UNC13C: variants seen among roughly 807,000 people sequenced by gnomAD.
The protein encoded by UNC13C is protein unc-13 homolog C.
In UNC13C, 174 loss-of-function variants were observed where a neutral mutation model predicts 245.4. The ratio of observed to expected loss-of-function variants is 0.71; its 90% CI spans 0.63 to 0.80. The LOEUF (loss-of-function observed/expected upper bound fraction) is 0.80, where lower values mean the gene tolerates loss of function less well. UNC13C is among the 30% of genes least tolerant of loss of function. The pLI is 0.00. For missense variants in UNC13C, 2,829 were observed against 2,602.9 expected (o/e 1.09, Z -1.89); for synonymous variants, 992 against 895.1 (o/e 1.11, Z -1.93).
At chr15:53,916,173 A>G in the UNC13C span, among the ~76,000 whole-genome samples, 12 of 152,176 alleles carry the variant, frequency 7.9e-5, no homozygotes, top group Non-Finnish European at 1.3e-4. Context: ...GGATCCCACA[A>G]TTGCCTGTAG....
rs764523117 is a variant in UNC13C, at chr15:54,015,769, C to T, written c.2866C>T (p.Pro956Ser). 3 of 1,612,478 alleles carry T rather than the reference C, an allele frequency of 1.9e-6. No homozygotes were observed. The highest frequency in any genetic ancestry group is 1.7e-5 in the Admixed American group (1 of 59,706). ...EIREDENQNIPEQPVEITKPK... is the reference protein window; with the variant it reads ...EIREDENQNISEQPVEITKPK... ...AAGAGAAGATGAAAACCAAAACATT[C>T]CTGAACAGCCAGTGGAGATCACAAA... Residue 956 changes from proline (P) to serine (S), a missense_variant, in exon 2 of 33, where the codon CCT (proline) becomes TCT (serine). Pro to Ser is a moderately conservative substitution (Grantham distance 74). Transcript: ENST00000260323.
chr15:54,330,766 T>C (rs563534366), intron 14 of UNC13C, among the ~76,000 whole-genome samples: 43 of 152,148 alleles, frequency 2.8e-4, no homozygotes, highest in Non-Finnish European at 5.3e-4. Context: ...GAAGGTATAA[T>C]GGAGAGTGGC....
intron 2 of UNC13C, among the ~76,000 whole-genome samples, chr15:54,086,470 T>A (rs1193319836): frequency 2.0e-5 from 3 of 152,182 alleles, no homozygotes; most frequent in African/African-American, 7.2e-5. Context: ...TTGAGGCTGC[T>A]CAGTCTCTCA....
intron 17 of UNC13C, among the ~76,000 whole-genome samples, chr15:54,361,701 G>A (rs546218923): frequency 1.3e-5 from 2 of 152,206 alleles, no homozygotes; most frequent in South Asian, 2.1e-4. Context: ...GACTTACAGC[G>A]AGCACTAGAA....
At chr15:53,868,770 G>T in the UNC13C span, among the ~76,000 whole-genome samples, 1 of 152,292 alleles carries the variant, frequency 6.6e-6, no homozygotes, top group Non-Finnish European at 1.5e-5. Context: ...ATTACTCAGA[G>T]GTATGGAGAT....
chr15:54,198,555 A>G (rs2034428937), intron 4 of UNC13C, among the ~76,000 whole-genome samples: 1 of 152,172 alleles, frequency 6.6e-6, no homozygotes, highest in African/African-American at 2.4e-5. Flanking sequence ...GACACTCCCC[A>G]GTACCAACCC....
At chr15:54,458,879 AT>A (rs966509839) in intron 19 of UNC13C, among the ~76,000 whole-genome samples, 2 of 151,766 alleles carry the variant, frequency 1.3e-5, no homozygotes, top group African/African-American at 4.8e-5. Context: ...TTAGTGGAGC[AT>A]TTAGGCCATT....
intron 4 of UNC13C, among the ~76,000 whole-genome samples, chr15:54,209,393 A>C (rs1486683834): frequency 3.3e-5 from 5 of 150,900 alleles, no homozygotes; most frequent in Non-Finnish European, 7.4e-5. Context: ...GACCCTTTAC[A>C]TTTTAGTGTT....
At chr15:53,976,076 G>A (rs562381119), upstream of UNC13C, among the ~76,000 whole-genome samples, 4 of 152,190 alleles carry the variant, frequency 2.6e-5, no homozygotes, top group South Asian at 2.1e-4. Context: ...AAAACTACTC[G>A]TCAAAAGCCA....
the UNC13C span, among the ~76,000 whole-genome samples, chr15:53,940,533 G>A: frequency 6.6e-6 from 1 of 152,116 alleles, no homozygotes; most frequent in Non-Finnish European, 1.5e-5. Flanking sequence ...AATTATCTTT[G>A]TTTGCAGGTG....
chr15:53,896,512 A>G, the UNC13C span, among the ~76,000 whole-genome samples: 1 of 152,166 alleles, frequency 6.6e-6, no homozygotes, highest in African/African-American at 2.4e-5. Flanking sequence ...TATTATTACA[A>G]TATTCAATGT....
In UNC13C at chr15:54,077,083, A is replaced by G. The variant is rs558580110; in HGVS notation, c.2983+61197A>G. On this transcript the variant is annotated intron_variant, in intron 2 of 32. Transcript: ENST00000260323. Reference sequence around the variant, plus strand: ...GAGTCTTGGGTTTTGGTCTTTAGGCAACAAGTCCAGGGGCCTGTTATAGTG... The same window carrying G: ...GAGTCTTGGGTTTTGGTCTTTAGGCGACAAGTCCAGGGGCCTGTTATAGTG... 1.6e-4 allele frequency among the ~76,000 whole-genome samples: 24 copies of G among 152,278 alleles called. No homozygotes were observed. The South Asian group carries it at 5.0e-3, about 32-fold the overall frequency.
chr15:54,117,108 G>A lies in UNC13C; in HGVS notation c.2984-25910G>A, dbSNP rs185445843. On this transcript the variant is annotated intron_variant, in intron 2 of 32. Coordinates refer to ENST00000260323, the MANE Select transcript of UNC13C (RefSeq NM_001080534.3). ...AGATATTTTGCCCATTTTTGCTTCC[G>A]ATTAGTTTTTGTTGTTGTTGTTGTT... 8.6e-5 allele frequency among the ~76,000 whole-genome samples: 13 copies of A among 151,936 alleles called. No individual in the cohort carries two copies. In the East Asian group the frequency reaches 2.1e-3, roughly 25 times the overall value.
At chr15:54,397,213 T>C (rs1046866647) in intron 18 of UNC13C, among the ~76,000 whole-genome samples, 5 of 151,528 alleles carry the variant, frequency 3.3e-5, no homozygotes, top group African/African-American at 4.8e-5. Flanking sequence ...GGTGTGATAA[T>C]CAAGTTTAAC....
At chr15:54,301,481 C>T (rs1282535196) in intron 13 of UNC13C, among the ~76,000 whole-genome samples, 2 of 151,914 alleles carry the variant, frequency 1.3e-5, no homozygotes, top group Non-Finnish European at 2.9e-5. Context: ...ATGTTCCCCG[C>T]CCTGTGTCCA....
intron 13 of UNC13C, among the ~76,000 whole-genome samples, chr15:54,300,946 G>A (rs1312154079): frequency 6.6e-6 from 1 of 151,976 alleles, no homozygotes. Context: ...AGCACCCATA[G>A]AACGCAAACA....
chr15:53,926,414 A>T, the UNC13C span, among the ~76,000 whole-genome samples: 1 of 152,170 alleles, frequency 6.6e-6, no homozygotes, highest in African/African-American at 2.4e-5. Flanking sequence ...CAAAAAAGGG[A>T]TATCATATGT....
At chr15:54,367,068 G>T (rs1269319997) in intron 17 of UNC13C, among the ~76,000 whole-genome samples, 1 of 152,126 alleles carries the variant, frequency 6.6e-6, no homozygotes, top group Non-Finnish European at 1.5e-5. Flanking sequence ...GCAGATTAAT[G>T]ACATGACACT....
At chr15:54,347,265 A>T (rs565071996) in intron 17 of UNC13C, among the ~76,000 whole-genome samples, 11 of 152,224 alleles carry the variant, frequency 7.2e-5, no homozygotes, top group African/African-American at 2.7e-4. Context: ...TTTCTGTTGA[A>T]CAATGAAAAC....
Sources: gnomAD v4.1 joint callset for allele counts (sites outside exome capture counted in the v4.1 genomes callset) on GRCh38, gnomAD v4.1.1 for gene constraint, MANE v1.5 for transcripts, NCBI Gene and HGNC (gene_info 2026-07-23, HGNC 2026-07-21) for gene names.